SLC26A8: variants seen among roughly 807,000 people sequenced by gnomAD.
SLC26A8 encodes the protein testis anion transporter 1.
A neutral mutation model predicts 105.0 loss-of-function variants in SLC26A8; 70 were observed. The ratio of observed to expected loss-of-function variants is 0.67; its 90% CI spans 0.55 to 0.81. The LOEUF is 0.81. SLC26A8 is among the 40% of genes least tolerant of loss of function. The pLI, the probability that SLC26A8 is intolerant of heterozygous loss-of-function variation, is 0.00. For missense variants in SLC26A8, 998 were observed against 1,181.8 expected (o/e 0.84, Z 2.28); for synonymous variants, 415 against 438.3 (o/e 0.95, Z 0.66).
At chr6:36,022,812 C>T (rs987193513) in intron 1 of SLC26A8, among the ~76,000 whole-genome samples, 2 of 151,644 alleles carry the variant, frequency 1.3e-5, no homozygotes, top group African/African-American at 4.8e-5. Flanking sequence ...CCTAGTGGCT[C>T]ATTTTCATGT....
rs183774791 is a variant in SLC26A8 at position 36,013,777 on chromosome 6, A to G, written c.189-1405T>C. On this transcript the variant is annotated intron_variant, in intron 2 of 19. Transcript: ENST00000490799. The stretch of plus-strand genomic sequence containing the variant: ...TGAGCTAGATAATTGGGATTTGACT[A>G]CAACAACAAATATAACTTTAACGTA... Among the ~76,000 whole-genome samples the G allele has an allele frequency of 3.1e-3, 471 of 152,358 alleles. 1 individual carries two copies. Among genetic ancestry groups the G allele is most frequent in the African/African-American group, 0.011 (445 of 41,588 alleles).
rs758022953 is a variant in SLC26A8, at chr6:35,959,803, T to A, written c.1642A>T (p.Ile548Phe). 6.2e-7 allele frequency: 1 copy of A among 1,605,690 alleles called. No individual in the cohort carries two copies. Among genetic ancestry groups the A allele is most frequent in the Non-Finnish European group, 8.5e-7 (1 of 1,177,460 alleles). The change falls in exon 15 of 20, where the codon ATC (isoleucine) becomes TTC (phenylalanine). Residue 548 changes from isoleucine (I) to phenylalanine (F), a missense_variant. Physicochemically the swap from Ile to Phe is conservative, Grantham distance 21. Coordinates refer to ENST00000490799, the MANE Select transcript of SLC26A8 (RefSeq NM_052961.4). ...AAGATTTTCACCCCAGGAATGGTGA[T>A]GATCTGCAAGACAAAATGTGAAGTT... The part of the protein sequence containing the change: ...YRSINDYREI[I>F]TIPGVKIFQC...
At chr6:35,997,063 T>C (rs1392933369) in intron 5 of SLC26A8, among the ~76,000 whole-genome samples, 1 of 151,704 alleles carries the variant, frequency 6.6e-6, no homozygotes, top group African/African-American at 2.4e-5. Flanking sequence ...TGAAGCAATT[T>C]TTGAAAAGGT....
intron 5 of SLC26A8, among the ~76,000 whole-genome samples, chr6:35,993,181 G>T: frequency 2.9e-5 from 1 of 34,896 alleles, no homozygotes; most frequent in Non-Finnish European, 7.3e-5. Context: ...TTTTTTGATA[G>T]AGATTGGAGG....
At chr6:35,945,594 T>C (rs960597848) in intron 19 of SLC26A8, among the ~76,000 whole-genome samples, 1 of 152,202 alleles carries the variant, frequency 6.6e-6, no homozygotes, top group Non-Finnish European at 1.5e-5. Context: ...TCCTCCATCT[T>C]GTCCACATCC....
At chr6:35,959,866 A>T in intron 14 of SLC26A8, 60 bp from the exon 15 acceptor site, 1 of 1,277,402 alleles carries the variant, frequency 7.8e-7, no homozygotes, top group Non-Finnish European at 1.1e-6. Context: ...AATAAGAATA[A>T]TATATCCTTA....
At chr6:36,011,926 G>A (rs1761869141) in intron 3 of SLC26A8, among the ~76,000 whole-genome samples, 1 of 152,150 alleles carries the variant, frequency 6.6e-6, no homozygotes, top group Admixed American at 6.5e-5. Flanking sequence ...CCCTTTCTAG[G>A]TAAAACCAAT....
chr6:35,961,662 A>G (rs1385751333), intron 12 of SLC26A8, among the ~76,000 whole-genome samples: 3 of 152,192 alleles, frequency 2.0e-5, no homozygotes, highest in East Asian at 1.9e-4. Context: ...TGGAATAGAA[A>G]CTATCTGTGC....
At chr6:36,023,909 G>A (rs1441915509) in intron 1 of SLC26A8, among the ~76,000 whole-genome samples, 2 of 152,138 alleles carry the variant, frequency 1.3e-5, no homozygotes, top group East Asian at 1.9e-4. Flanking sequence ...TCCTTAAGCG[G>A]ATGACCATTG....
chr6:35,970,119 T>C (rs1330605060), intron 10 of SLC26A8, among the ~76,000 whole-genome samples: 1 of 152,100 alleles, frequency 6.6e-6, no homozygotes, highest in African/African-American at 2.4e-5. Flanking sequence ...GGCAAAATTA[T>C]AACCACAAAT....
chr6:35,951,101 A>ACCCCCCCCCCC, intron 19 of SLC26A8, 62 bp downstream of exon 19: 1 of 1,072,412 alleles, frequency 9.3e-7, no homozygotes, highest in East Asian at 2.9e-5. Flanking sequence ...ACCACCCCTC[A>ACCCCCCCCCCC]CCCATCCCCC....
intron 6 of SLC26A8, among the ~76,000 whole-genome samples, 193 bp from the exon 7 acceptor site, chr6:35,992,001 T>C (rs1360783561): frequency 4.6e-5 from 7 of 152,154 alleles, no homozygotes; most frequent in Non-Finnish European, 1.0e-4. Flanking sequence ...AGAGGGACAG[T>C]AATGCTCAAT....
At chr6:36,000,203 G>A in intron 3 of SLC26A8, 95 bp from the exon 4 acceptor site, 2 of 764,886 alleles carry the variant, frequency 2.6e-6, no homozygotes, top group Non-Finnish European at 4.4e-6. Flanking sequence ...AATCATCCAT[G>A]TGTATAGCTG....
chr6:36,015,562 C>T (rs181204719), intron 2 of SLC26A8, among the ~76,000 whole-genome samples: 68 of 152,150 alleles, frequency 4.5e-4, no homozygotes, highest in African/African-American at 1.4e-3. Flanking sequence ...GATGGCAAGG[C>T]TAAGTAAGGA....
intron 2 of SLC26A8, among the ~76,000 whole-genome samples, chr6:36,015,051 C>T (rs1761958168): frequency 6.6e-6 from 1 of 150,850 alleles, no homozygotes; most frequent in Non-Finnish European, 1.5e-5. Flanking sequence ...GGTCACAAGG[C>T]TGAAAAGCAG....
Position 35,960,985 on chromosome 6 carries a change from C to A in SLC26A8, c.1568+8G>T, listed in dbSNP as rs1212523825. 1 of 1,614,032 alleles carries A rather than the reference C, an allele frequency of 6.2e-7. No homozygotes were observed. Among genetic ancestry groups the A allele is most frequent in the African/African-American group, 1.3e-5 (1 of 75,008 alleles). On this transcript the variant is annotated splice_region_variant and intron_variant, in intron 13 of 19. Coordinates refer to ENST00000490799, the MANE Select transcript of SLC26A8 (RefSeq NM_052961.4). ...CTTGTTAACCTCCTATTACCTGAGA[C>A]AAAGTACCTGTGTGAACGAACAGTG...
chr6:35,959,508 C>T lies in SLC26A8; in HGVS notation c.1815G>A (p.Lys605=). The T allele has an allele frequency of 6.2e-7, 1 of 1,614,026 alleles. No individual in the cohort carries two copies. The highest frequency in any genetic ancestry group is 8.5e-7 in the Non-Finnish European group (1 of 1,179,976). ...NSSDTNLQGG[K]ICRCFCNCDD... is the part of the protein sequence containing the mutation. ...CACAGTTGCAGAAACACCTGCAAAT[C>T]TTTCCTCCTTGTAGATTGGTGTCAC... The change falls in exon 16 of 20, where the codon AAG becomes AAA. Residue 605 remains lysine (K), a synonymous_variant. Transcript: ENST00000490799.
chr6:35,966,787 C>T (rs940917806), intron 11 of SLC26A8, among the ~76,000 whole-genome samples: 2 of 152,228 alleles, frequency 1.3e-5, no homozygotes, highest in East Asian at 1.9e-4. Context: ...ATTATAATCA[C>T]AACTGCTCAC....
intron 19 of SLC26A8, among the ~76,000 whole-genome samples, chr6:35,945,627 A>G (rs1458909581): frequency 6.6e-6 from 1 of 152,200 alleles, no homozygotes; most frequent in Non-Finnish European, 1.5e-5. Context: ...CCCCAGATTC[A>G]GAGCCAAGAT....
Sources: gnomAD v4.1 joint callset for allele counts (sites outside exome capture counted in the v4.1 genomes callset) on GRCh38, gnomAD v4.1.1 for gene constraint, MANE v1.5 for transcripts, NCBI Gene and HGNC (gene_info 2026-07-23, HGNC 2026-07-21) for gene names.